The following GABRG3 variants were observed in gnomAD, a reference collection of about 807,000 sequenced individuals.
GABRG3 encodes gamma-aminobutyric acid type A receptor subunit gamma3.
In GABRG3, 25 loss-of-function variants were observed where a neutral mutation model predicts 48.8. The observed-to-expected ratio is 0.51, with a 90% CI of 0.37 to 0.72. GABRG3 has a LOEUF of 0.72. GABRG3 is among the 30% of genes least tolerant of loss of function. The pLI, the probability that GABRG3 is intolerant of heterozygous loss-of-function variation, is 0.00. For missense variants in GABRG3, 394 were observed against 577.9 expected (o/e 0.68, Z 3.26); for synonymous variants, 227 against 217.6 (o/e 1.04, Z -0.38).
At chr15:27,446,500 A>C (rs1040230505) in intron 5 of GABRG3, among the ~76,000 whole-genome samples, 5 of 152,216 alleles carry the variant, frequency 3.3e-5, no homozygotes, top group Admixed American at 2.0e-4. Flanking sequence ...GAAAATATTC[A>C]TTTAAATGAG....
At chr15:27,231,133 A>C (rs1399661691) in intron 3 of GABRG3, among the ~76,000 whole-genome samples, 3 of 152,132 alleles carry the variant, frequency 2.0e-5, no homozygotes, top group Admixed American at 6.6e-5. Flanking sequence ...AAATATCCAT[A>C]TCTCAAACCT....
chr15:27,326,984 A>C lies in GABRG3; in HGVS notation c.446A>C (p.Gln149Pro). 1 of 1,614,030 alleles carries C rather than the reference A, an allele frequency of 6.2e-7. No homozygotes were observed. The highest frequency in any genetic ancestry group is 8.5e-7 in the Non-Finnish European group (1 of 1,179,892). Residue 149 changes from glutamine to proline, a missense_variant, in exon 4 of 10, where the codon CAG (glutamine) becomes CCG (proline). By Grantham distance (76) the Gln-to-Pro change is moderately conservative. Transcript: ENST00000615808. ...AEAHWITTPNQLLRIWNDGKI... is the reference protein window; with the variant it reads ...AEAHWITTPNPLLRIWNDGKI... ...GCTCACTGGATCACCACACCCAATC[A>C]GCTCCTCCGGATTTGGAATGACGGG...
chr15:27,041,862 AG>A (rs1009766395), intron 3 of GABRG3, among the ~76,000 whole-genome samples: 1 of 152,116 alleles, frequency 6.6e-6, no homozygotes, highest in African/African-American at 2.4e-5. Context: ...CGGGTCCTGC[AG>A]GGGGAGGACT....
At chr15:26,973,883 A>T (rs1894889160) in intron 1 of GABRG3, among the ~76,000 whole-genome samples, 1 of 152,246 alleles carries the variant, frequency 6.6e-6, no homozygotes, top group African/African-American at 2.4e-5. Context: ...AATTTCAGTA[A>T]TGGTGTTTAG....
intron 2 of GABRG3, among the ~76,000 whole-genome samples, chr15:26,993,402 G>A (rs1329847100): frequency 6.6e-6 from 1 of 151,834 alleles, no homozygotes; most frequent in Non-Finnish European, 1.5e-5. Context: ...GGTATGTTGT[G>A]TTTCCATTAT....
At chr15:27,420,130 C>T (rs939621789) in intron 5 of GABRG3, among the ~76,000 whole-genome samples, 3 of 152,254 alleles carry the variant, frequency 2.0e-5, no homozygotes, top group Admixed American at 6.5e-5. Context: ...TAGACCCTGC[C>T]GTGCAAATCC....
At chr15:27,090,110 A>G (rs553097760) in intron 3 of GABRG3, among the ~76,000 whole-genome samples, 12 of 152,344 alleles carry the variant, frequency 7.9e-5, no homozygotes, top group African/African-American at 2.9e-4. Context: ...GAGTGAGAGC[A>G]CTACACGCTC....
chr15:27,309,736 T>G (rs570024219), intron 3 of GABRG3, among the ~76,000 whole-genome samples: 1 of 152,160 alleles, frequency 6.6e-6, no homozygotes, highest in South Asian at 2.1e-4. Context: ...AATTGTACAA[T>G]CACTGTGGGA....
intron 3 of GABRG3, among the ~76,000 whole-genome samples, chr15:27,198,580 C>T (rs1888581398): frequency 6.6e-6 from 1 of 152,180 alleles, no homozygotes; most frequent in Non-Finnish European, 1.5e-5. Flanking sequence ...TTGTGGAAGA[C>T]AGTGTGGTGA....
At chr15:27,305,033 T>C (rs761390057) in intron 3 of GABRG3, among the ~76,000 whole-genome samples, 1 of 151,954 alleles carries the variant, frequency 6.6e-6, no homozygotes, top group African/African-American at 2.4e-5. Flanking sequence ...GGCTTTACTT[T>C]AGGTGTCACA....
At chr15:27,112,189 A>G (rs1296419075) in intron 3 of GABRG3, among the ~76,000 whole-genome samples, 3 of 152,028 alleles carry the variant, frequency 2.0e-5, no homozygotes, top group Non-Finnish European at 2.9e-5. Context: ...AAGCAAGCAG[A>G]TCTTTGCAGT....
intron 3 of GABRG3, among the ~76,000 whole-genome samples, chr15:27,056,089 C>A (rs1305384839): frequency 6.6e-6 from 1 of 151,886 alleles, no homozygotes; most frequent in Non-Finnish European, 1.5e-5. Context: ...GTGGCTCAAG[C>A]CTGTAATCCT....
chr15:27,397,801 A>AT (rs1566823235), intron 5 of GABRG3, among the ~76,000 whole-genome samples: 77 of 138,510 alleles, frequency 5.6e-4, no homozygotes, highest in Admixed American at 2.7e-3. Context: ...TTCTCTGAAA[A>AT]ATTTTTTTTT....
At chr15:27,530,685 C>G (rs1235202093) in intron 9 of GABRG3, 1 of 471,154 alleles carries the variant, frequency 2.1e-6, no homozygotes, top group Admixed American at 2.3e-5. Flanking sequence ...ATCCCCGCAT[C>G]AGCAGAGCCT....
intron 3 of GABRG3, among the ~76,000 whole-genome samples, chr15:27,031,246 C>T (rs1050950176): frequency 6.6e-6 from 1 of 152,152 alleles, no homozygotes; most frequent in African/African-American, 2.4e-5. Context: ...CGACAAATGT[C>T]TAATGCCATG....
chr15:27,018,025 C>T (rs1469831812), intron 2 of GABRG3, among the ~76,000 whole-genome samples: 3 of 152,216 alleles, frequency 2.0e-5, no homozygotes, highest in Non-Finnish European at 2.9e-5. Context: ...TCTGCATTCC[C>T]TGCCAGATGG....
intron 3 of GABRG3, among the ~76,000 whole-genome samples, chr15:27,314,914 G>C (rs1893159284): frequency 6.6e-6 from 1 of 152,054 alleles, no homozygotes; most frequent in Non-Finnish European, 1.5e-5. Context: ...GGGAGAAATG[G>C]AAAATTTCTA....
chr15:27,524,623 C>T (rs1891231968), intron 7 of GABRG3, among the ~76,000 whole-genome samples: 1 of 151,970 alleles, frequency 6.6e-6, no homozygotes. Context: ...AAAGTTTCTA[C>T]ATTTCAGTCA....
chr15:27,396,911 A>G (rs1467331007), intron 5 of GABRG3, among the ~76,000 whole-genome samples: 1 of 152,198 alleles, frequency 6.6e-6, no homozygotes, highest in African/African-American at 2.4e-5. Flanking sequence ...CAATTATAGG[A>G]GAAAAAAGAG....
Sources: gnomAD v4.1 joint callset for allele counts (sites outside exome capture counted in the v4.1 genomes callset) on GRCh38, gnomAD v4.1.1 for gene constraint, MANE v1.5 for transcripts, NCBI Gene and HGNC (gene_info 2026-07-23, HGNC 2026-07-21) for gene names.